Variants in RARB observed in about 807,000 individuals in gnomAD.
RARB encodes the protein HBV-activated protein.
In RARB, 17 loss-of-function variants were observed where a neutral mutation model predicts 51.9. The observed-to-expected ratio is 0.33, with a 90% CI of 0.22 to 0.49. The LOEUF (loss-of-function observed/expected upper bound fraction) is 0.49. RARB is among the 20% of genes least tolerant of loss of function. The pLI, the probability that RARB is intolerant of heterozygous loss-of-function variation, is 0.99. For synonymous variants in RARB, 215 were observed against 195.4 expected (o/e 1.10, Z -0.84); for missense variants, 369 against 550.8 (o/e 0.67, Z 3.30).
intron 5 of RARB, among the ~76,000 whole-genome samples, chr3:25,294,507 AC>A (rs1188584923): frequency 6.6e-6 from 1 of 152,192 alleles, no homozygotes; most frequent in Non-Finnish European, 1.5e-5. Context: ...GAATGGGGCC[AC>A]CCAGACATTA....
intron 2 of RARB, among the ~76,000 whole-genome samples, chr3:24,950,371 A>G (rs1018531408): frequency 3.3e-5 from 5 of 152,240 alleles, no homozygotes; most frequent in African/African-American, 1.2e-4. Context: ...CAAATGCCCT[A>G]GAGATCCATA....
At chr3:25,579,171 C>T (rs1701067183) in intron 4 of RARB, among the ~76,000 whole-genome samples, 1 of 152,122 alleles carries the variant, frequency 6.6e-6, no homozygotes, top group South Asian at 2.1e-4. Context: ...AGGTTTACAC[C>T]ATGCAATTGG....
chr3:25,146,698 T>G (rs1700199476), intron 4 of RARB, among the ~76,000 whole-genome samples: 1 of 151,768 alleles, frequency 6.6e-6, no homozygotes, highest in African/African-American at 2.4e-5. Flanking sequence ...TTTTGTATTT[T>G]TTAGTAGAGA....
chr3:24,996,514 CT>C (rs1697043695), intron 2 of RARB, among the ~76,000 whole-genome samples: 2 of 151,808 alleles, frequency 1.3e-5, no homozygotes, highest in South Asian at 4.2e-4. Flanking sequence ...CTTATCCTTG[CT>C]TTTCTACTTC....
chr3:25,328,498 C>A (rs1359369398), intron 5 of RARB, among the ~76,000 whole-genome samples: 1 of 152,180 alleles, frequency 6.6e-6, no homozygotes, highest in Non-Finnish European at 1.5e-5. Context: ...CCAGCTTGGG[C>A]AACAGAGGAA....
chr3:25,325,950 G>C (rs1314709898), intron 5 of RARB, among the ~76,000 whole-genome samples: 1 of 152,300 alleles, frequency 6.6e-6, no homozygotes, highest in Non-Finnish European at 1.5e-5. Flanking sequence ...CACCTGTTGA[G>C]ACCATGCAAG....
At chr3:25,215,900 C>T (rs1293036766) in intron 5 of RARB, among the ~76,000 whole-genome samples, 2 of 152,096 alleles carry the variant, frequency 1.3e-5, no homozygotes, top group African/African-American at 4.8e-5. Context: ...ATTTTTCATA[C>T]CAAACTGAAA....
chr3:24,904,921 C>G (rs942323027), intron 2 of RARB, among the ~76,000 whole-genome samples: 2 of 152,132 alleles, frequency 1.3e-5, no homozygotes, highest in African/African-American at 4.8e-5. Context: ...AACAAAAAAC[C>G]AAACACTGCG....
At position 25,173,400 on chromosome 3, in the gene RARB, G is replaced by C. The variant is rs2125352691; in HGVS notation, c.-279-719G>C. Among the ~76,000 whole-genome samples, 3 of 152,300 alleles carry C rather than the reference G, an allele frequency of 2.0e-5. No individual in the cohort carries two copies. In the Middle Eastern group the frequency reaches 0.01, roughly 518 times the overall value. On this transcript the variant is annotated intron_variant, in intron 4 of 11. Coordinates refer to the RARB transcript ENST00000383772. The stretch of plus-strand genomic sequence containing the variant: ...AGTGAGATTTGATTGGTGAATAGGT[G>C]ACTGGATAGGCAGACAGACAAATGG...
chr3:25,429,017 T>TG, intron 1 of RARB, 129 bp downstream of exon 1: 1 of 1,179,200 alleles, frequency 8.5e-7, no homozygotes, highest in Non-Finnish European at 1.1e-6. Context: ...GCTGAAGGGG[T>TG]GTGATATGCT....
intron 5 of RARB, among the ~76,000 whole-genome samples, chr3:25,314,799 G>A (rs1003531076): frequency 6.6e-6 from 1 of 152,158 alleles, no homozygotes; most frequent in Non-Finnish European, 1.5e-5. Flanking sequence ...CTATCACCCA[G>A]GTGGTGAGCG....
At chr3:25,569,733 G>T (rs1447328028) in intron 3 of RARB, 25 bp from the exon 4 acceptor site, 1 of 1,608,094 alleles carries the variant, frequency 6.2e-7, no homozygotes, top group Non-Finnish European at 8.5e-7. Flanking sequence ...AGCGACCCCT[G>T]ATGTGCCTTC....
chr3:25,237,727 C>T (rs1479173789), intron 5 of RARB, among the ~76,000 whole-genome samples: 1 of 152,098 alleles, frequency 6.6e-6, no homozygotes, highest in Non-Finnish European at 1.5e-5. Flanking sequence ...AAACCATTAG[C>T]AGTTCTCCAT....
At chr3:25,285,505 T>G (rs555852831) in intron 5 of RARB, among the ~76,000 whole-genome samples, 14 of 152,290 alleles carry the variant, frequency 9.2e-5, no homozygotes, top group African/African-American at 3.1e-4. Context: ...TAACTTTGGC[T>G]GCAGTGTGGA....
chr3:24,880,921 T>C (rs559327364), intron 2 of RARB, among the ~76,000 whole-genome samples: 1 of 152,330 alleles, frequency 6.6e-6, no homozygotes, highest in Admixed American at 6.5e-5. Flanking sequence ...TTAATCCTCA[T>C]ATGTAGAAGT....
At chr3:25,215,487 G>C (rs1701811249) in intron 5 of RARB, among the ~76,000 whole-genome samples, 1 of 152,142 alleles carries the variant, frequency 6.6e-6, no homozygotes, top group Non-Finnish European at 1.5e-5. Flanking sequence ...GGACAAGAGA[G>C]AGAGTGAGCA....
chr3:24,963,899 A>C (rs572563736), intron 2 of RARB, among the ~76,000 whole-genome samples: 2 of 152,296 alleles, frequency 1.3e-5, no homozygotes, highest in African/African-American at 4.8e-5. Context: ...AGAAAAAAAA[A>C]CTTTACCTTC....
chr3:25,035,420 C>G (rs1024293563), intron 2 of RARB, among the ~76,000 whole-genome samples: 3 of 119,586 alleles, frequency 2.5e-5, no homozygotes, highest in African/African-American at 8.8e-5. Flanking sequence ...CTGCGTCCAG[C>G]CTTTTTTTTT....
intron 2 of RARB, among the ~76,000 whole-genome samples, chr3:24,981,349 T>G (rs1268697911): frequency 6.6e-6 from 1 of 152,312 alleles, no homozygotes; most frequent in Middle Eastern, 3.4e-3. Context: ...GTCTGCTGCC[T>G]TTTGTTTAGT....
Sources: allele counts gnomAD v4.1 joint callset (sites outside exome capture counted in the v4.1 genomes callset), GRCh38; gene constraint gnomAD v4.1.1; transcripts MANE v1.5; gene names NCBI Gene and HGNC (gene_info 2026-07-23, HGNC 2026-07-21).